NOL4: variants seen among roughly 807,000 people sequenced by gnomAD.
NOL4 encodes cancer/testis antigen 125.
In NOL4, 17 loss-of-function variants were observed where a neutral mutation model predicts 75.9. The observed-to-expected ratio is 0.22, with a 90% CI of 0.15 to 0.34. The LOEUF is 0.34. Ranked by LOEUF, NOL4 falls within the 10% of genes least tolerant of loss-of-function variation. NOL4 has a pLI of 1.00. For synonymous variants in NOL4, 292 were observed against 289.9 expected, an observed-to-expected ratio of 1.01 and a Z score of -0.07; for missense variants, 614 against 793.5, an observed-to-expected ratio of 0.77 and a Z score of 2.72.
intron 9 of NOL4, among the ~76,000 whole-genome samples, chr18:33,893,983 C>G (rs1203110570): frequency 2.6e-5 from 4 of 152,110 alleles, no homozygotes; most frequent in Non-Finnish European, 5.9e-5. Flanking sequence ...CCTGCCCTTA[C>G]ATGCTCTTTG....
intron 9 of NOL4, among the ~76,000 whole-genome samples, chr18:33,894,351 C>T (rs751918157): frequency 5.3e-5 from 8 of 151,986 alleles, no homozygotes; most frequent in Non-Finnish European, 1.2e-4. Context: ...ATACGCATAC[C>T]CTCACATATA....
chr18:34,131,707 T>C (rs915964793), intron 1 of NOL4, among the ~76,000 whole-genome samples: 2 of 152,186 alleles, frequency 1.3e-5, no homozygotes, highest in African/African-American at 4.8e-5. Flanking sequence ...TTCACTCATT[T>C]ATCTAGCTAA....
At chr18:33,941,346 T>A (rs2068463821) in intron 9 of NOL4, among the ~76,000 whole-genome samples, 1 of 151,960 alleles carries the variant, frequency 6.6e-6, no homozygotes, top group Admixed American at 6.6e-5. Flanking sequence ...ATTAAAACTA[T>A]ATAGGGATAT....
chr18:34,164,930 T>C (rs2032111858), intron 1 of NOL4, among the ~76,000 whole-genome samples: 1 of 151,998 alleles, frequency 6.6e-6, no homozygotes, highest in Non-Finnish European at 1.5e-5. Context: ...GATGAGCTCA[T>C]GTCCTTTGTA....
intron 4 of NOL4, among the ~76,000 whole-genome samples, chr18:34,102,603 A>G (rs1326555253): frequency 6.6e-6 from 1 of 152,022 alleles, no homozygotes; most frequent in Non-Finnish European, 1.5e-5. Flanking sequence ...TGTGTAAAAT[A>G]CTTATGATTT....
chr18:34,024,194 A>AAAAAAAATATATAT, intron 5 of NOL4, among the ~76,000 whole-genome samples: 3 of 70,682 alleles, frequency 4.2e-5, no homozygotes, highest in African/African-American at 1.6e-4. Flanking sequence ...AAAAAAAAAA[A>AAAAAAAATATATAT]ATATATATAT....
intron 6 of NOL4, among the ~76,000 whole-genome samples, chr18:33,986,155 C>G (rs544382252): frequency 6.6e-6 from 1 of 152,096 alleles, no homozygotes; most frequent in South Asian, 2.1e-4. Flanking sequence ...TGAGGCAAAC[C>G]ATGTTATATT....
intron 5 of NOL4, among the ~76,000 whole-genome samples, chr18:34,087,615 GC>G (rs1177414768): frequency 1.3e-5 from 2 of 151,930 alleles, no homozygotes; most frequent in African/African-American, 4.8e-5. Flanking sequence ...TCCAACTTAT[GC>G]TAGAATTTAA....
At chr18:34,116,975 C>G (rs548776873) in intron 2 of NOL4, among the ~76,000 whole-genome samples, 1 of 152,220 alleles carries the variant, frequency 6.6e-6, no homozygotes, top group East Asian at 1.9e-4. Context: ...ACCTGCAAAC[C>G]TCTGGTTCCT....
intron 9 of NOL4, among the ~76,000 whole-genome samples, chr18:33,923,600 C>A (rs187667923): frequency 9.9e-5 from 15 of 152,012 alleles, no homozygotes; most frequent in Admixed American, 9.2e-4. Context: ...AAATAATTAC[C>A]TCAACAATGT....
At chr18:33,914,625 G>C (rs745324998) in intron 9 of NOL4, among the ~76,000 whole-genome samples, 1 of 152,042 alleles carries the variant, frequency 6.6e-6, no homozygotes, top group African/African-American at 2.4e-5. Flanking sequence ...AGTTGGAAAA[G>C]GACAAAAGGT....
intron 2 of NOL4, among the ~76,000 whole-genome samples, chr18:34,123,675 C>A (rs2080257629): frequency 1.4e-5 from 2 of 146,056 alleles, no homozygotes; most frequent in South Asian, 2.2e-4. Flanking sequence ...AGATATGTAT[C>A]TATATATCTA....
chr18:33,935,308 T>C (rs1168960594), intron 9 of NOL4, among the ~76,000 whole-genome samples: 2 of 152,176 alleles, frequency 1.3e-5, no homozygotes, highest in South Asian at 4.1e-4. Flanking sequence ...TAGCTTTTGA[T>C]TTAAAGTCAG....
intron 6 of NOL4, among the ~76,000 whole-genome samples, chr18:33,980,894 T>C (rs915247112): frequency 6.6e-6 from 1 of 151,964 alleles, no homozygotes; most frequent in Non-Finnish European, 1.5e-5. Flanking sequence ...GAAATTATCA[T>C]GCAATAAATT....
intron 10 of NOL4, among the ~76,000 whole-genome samples, chr18:33,879,090 A>C (rs2064103483): frequency 6.6e-6 from 1 of 152,090 alleles, no homozygotes; most frequent in Non-Finnish European, 1.5e-5. Context: ...GTTTATTTGC[A>C]TCACTTTTCT....
At chr18:33,993,337 G>C (rs747825790) in intron 6 of NOL4, among the ~76,000 whole-genome samples, 2 of 151,948 alleles carry the variant, frequency 1.3e-5, no homozygotes, top group Non-Finnish European at 2.9e-5. Flanking sequence ...TCCAGGGTGA[G>C]TGTGGGCATA....
chr18:34,042,169 C>G (rs1375333296), intron 5 of NOL4, among the ~76,000 whole-genome samples: 2 of 151,928 alleles, frequency 1.3e-5, no homozygotes, highest in African/African-American at 2.4e-5. Flanking sequence ...ATACACTTTG[C>G]CTTTTCCTTA....
At chr18:34,069,832 A>C (rs1600475500) in intron 5 of NOL4, among the ~76,000 whole-genome samples, 2 of 152,336 alleles carry the variant, frequency 1.3e-5, no homozygotes, top group African/African-American at 4.8e-5. Flanking sequence ...ATCTGAAATA[A>C]TTGGTCCCAA....
intron 1 of NOL4, among the ~76,000 whole-genome samples, chr18:34,204,711 T>C (rs2035997499): frequency 1.3e-5 from 2 of 152,148 alleles, no homozygotes; most frequent in African/African-American, 4.8e-5. Context: ...TTCCATTATC[T>C]TTAGTCAGAG....
Sources: gnomAD v4.1 joint callset for allele counts (sites outside exome capture counted in the v4.1 genomes callset) on GRCh38, gnomAD v4.1.1 for gene constraint, MANE v1.5 for transcripts, NCBI Gene and HGNC (gene_info 2026-07-23, HGNC 2026-07-21) for gene names.